Variants in CELSR1 observed in about 807,000 individuals in gnomAD.
The protein encoded by CELSR1 is cadherin EGF LAG seven-pass G-type receptor 1.
Under a neutral mutation model 249.1 loss-of-function variants are expected in CELSR1, and 110 were observed. That is an observed-to-expected ratio of 0.44 (90% CI 0.38 to 0.52). The LOEUF is 0.52. CELSR1 is among the 20% of genes least tolerant of loss of function. The probability of loss-of-function intolerance (pLI) is 0.00; values close to 1 mark genes in which losing one functional copy is unlikely to be tolerated. For missense variants in CELSR1, 4,109 were observed against 4,296.4 expected (o/e 0.96, Z 1.22); for synonymous variants, 2,113 against 1,900.0 (o/e 1.11, Z -2.92).
Position 46,384,684 on chromosome 22 carries a change from G to C in CELSR1, c.6742C>G (p.Leu2248Val). ...AACTTGTCAAAGATGTCGACAGCAA[G>C]AACTGGGGGGACAGTTCCTTTAATC... ...PFVIVTANMILAVDIFDKFNF... is the reference protein window; with the variant it reads ...PFVIVTANMIVAVDIFDKFNF... Residue 2248 changes from leucine (L) to valine (V), a missense_variant and splice_region_variant, in exon 20 of 35, where the codon CTT (leucine) becomes GTT (valine). Physicochemically the swap from Leu to Val is conservative, Grantham distance 32. Around this residue, in one of 7 missense-constraint regions of CELSR1, gnomAD observed 1,805 missense variants for 1,831.6 expected, o/e 0.99. Transcript: ENST00000674500. 6.2e-7 allele frequency: 1 copy of C among 1,612,140 alleles called. No homozygotes were observed. Among genetic ancestry groups the C allele is most frequent in the South Asian group, 1.1e-5 (1 of 90,568 alleles).
intron 1 of CELSR1, among the ~76,000 whole-genome samples, chr22:46,469,467 G>T (rs1294252368): frequency 6.6e-6 from 1 of 152,140 alleles, no homozygotes; most frequent in Non-Finnish European, 1.5e-5. Context: ...CCCAACTTCA[G>T]TTCTTGTACA....
intron 1 of CELSR1, among the ~76,000 whole-genome samples, chr22:46,498,224 G>A (rs187409938): frequency 5.1e-3 from 658 of 129,362 alleles, no homozygotes; most frequent in Non-Finnish European, 7.5e-3. Context: ...ACTCCAGCCT[G>A]GGCAACAAGA....
In CELSR1 at chr22:46,361,675, G is replaced by C. The variant is rs1358641833; in HGVS notation, c.*1548C>G. 1.3e-5 allele frequency: 2 copies of C among 152,166 alleles called. No individual in the cohort carries two copies. 9.4% of individuals were successfully genotyped at this position (152,166 alleles called of 1,614,324 possible). A position where few individuals can be genotyped will look rare whatever the true frequency, so the allele number is the denominator to read the frequency against. On this transcript the variant is annotated 3_prime_UTR_variant, in exon 35 of 35. Coordinates refer to ENST00000674500, the MANE Select transcript of CELSR1 (RefSeq NM_001378328.1). ...TCAGATACGCTTTTCCTCTCCCATA[G>C]GCATCTGCTAACAGTGCTCACATTT...
rs368472891 is a variant in CELSR1 at position 46,386,516 on chromosome 22, T to C, written c.6625A>G (p.Ser2209Gly). ...AGCAGCTGTGCCGTGCCGCCCTCGC[T>C]CCGCTGGATCTGCTCCCACGCCGCC... ...TRAAWEQIQR[S>G]EGGTAQLLRR... Residue 2209 changes from serine to glycine, a missense_variant, in exon 19 of 35, where the codon AGC (serine) becomes GGC (glycine). By Grantham distance (56) the Ser-to-Gly change is moderately conservative. Around this residue, in one of 7 missense-constraint regions of CELSR1, gnomAD observed 1,805 missense variants for 1,831.6 expected, o/e 0.99. Coordinates refer to ENST00000674500, the MANE Select transcript of CELSR1 (RefSeq NM_001378328.1). 2.6e-5 allele frequency: 41 copies of C among 1,597,612 alleles called. No individual in the cohort carries two copies. In the African/African-American group the frequency reaches 4.0e-4, roughly 16 times the overall value.
At chr22:46,382,793 A>ATC (rs1461264121) in intron 20 of CELSR1, among the ~76,000 whole-genome samples, 2 of 152,226 alleles carry the variant, frequency 1.3e-5, no homozygotes. Flanking sequence ...AAATAAGCCA[A>ATC]TCACAAAAGG....
At chr22:46,397,277 C>CTTTTTTTT (rs528088887) in intron 12 of CELSR1, among the ~76,000 whole-genome samples, 8 of 78,746 alleles carry the variant, frequency 1.0e-4, no homozygotes, top group Non-Finnish European at 1.7e-4. Flanking sequence ...CTAATTTTTG[C>CTTTTTTTT]TTTTTTTTTT....
In CELSR1 at chr22:46,407,332, C is replaced by A. The variant is rs2079277787; in HGVS notation, c.5226+1664G>T. On this transcript the variant is annotated intron_variant, in intron 9 of 34. Coordinates refer to ENST00000674500, the MANE Select transcript of CELSR1 (RefSeq NM_001378328.1). The surrounding 1 kb of genome is among the most constrained non-coding windows in gnomAD (Gnocchi z 4.8). ...ACACTTGCACGGAGATATGCGCACA[C>A]ACACACACAAACTTGGAGAAAAGCA... 6.6e-6 allele frequency among the ~76,000 whole-genome samples: 1 copy of A among 152,196 alleles called. No individual in the cohort carries two copies. The highest frequency in any genetic ancestry group is 2.1e-4 in the South Asian group (1 of 4,828).
At position 46,362,824 on chromosome 22, in the gene CELSR1, G is replaced by A. The variant is rs896000077; in HGVS notation, c.*399C>T. 2.7e-5 allele frequency: 8 copies of A among 301,466 alleles called. No individual in the cohort carries two copies. The highest frequency in any genetic ancestry group is 4.3e-5 in the Non-Finnish European group (7 of 161,652). The allele number at this position is 301,466 out of a possible 1,614,324, so 18.7% of individuals were successfully genotyped here. A position where few individuals can be genotyped will look rare whatever the true frequency, so the allele number is the denominator to read the frequency against. ...ACTGCCATGAGATGCCCGCCTGGGC[G>A]GGGCTGGACCGCGGTCTTTGGTCTG... On this transcript the variant is annotated 3_prime_UTR_variant, in exon 35 of 35. Coordinates refer to ENST00000674500, the MANE Select transcript of CELSR1 (RefSeq NM_001378328.1).
At chr22:46,452,606 G>T (rs563683546) in intron 2 of CELSR1, among the ~76,000 whole-genome samples, 1 of 152,334 alleles carries the variant, frequency 6.6e-6, no homozygotes, top group Admixed American at 6.5e-5. Flanking sequence ...CCTGCAGGGC[G>T]TTTCCAACCC....
intron 2 of CELSR1, among the ~76,000 whole-genome samples, chr22:46,452,563 C>T (rs543877748): frequency 6.6e-6 from 1 of 152,348 alleles, no homozygotes; most frequent in Middle Eastern, 3.4e-3. Context: ...AGCCCCAGCA[C>T]CAACCTGGGT....
At position 46,409,216 on chromosome 22, in the gene CELSR1, G is replaced by A. The variant is rs1412576021; in HGVS notation, c.5060-54C>T. The stretch of plus-strand genomic sequence containing the variant: ...TGTCTCCCGAAATCACACGGCCGCG[G>A]ACTTGGCTGCAGGGGCGGGGGATGG... On this transcript the variant is annotated intron_variant, in intron 8 of 34. Coordinates refer to ENST00000674500, the MANE Select transcript of CELSR1 (RefSeq NM_001378328.1). This position sits in a 1 kb window ranked among gnomAD's most constrained non-coding sequence, Gnocchi z 9.8. 2 of 1,589,926 alleles carry A rather than the reference G, an allele frequency of 1.3e-6. No homozygotes were observed. The highest frequency in any genetic ancestry group is 2.3e-5 in the East Asian group (1 of 44,396).
chr22:46,368,906 G>C (rs2078818203), intron 27 of CELSR1, among the ~76,000 whole-genome samples: 2 of 151,910 alleles, frequency 1.3e-5, no homozygotes, highest in African/African-American at 2.4e-5. Context: ...CAATACTTCT[G>C]TGCCAGGCGG....
rs1227899934 is a variant in CELSR1, at chr22:46,381,114, C to T, written c.7089-159G>A. Among the ~76,000 whole-genome samples, 3 of 152,154 alleles carry T rather than the reference C, an allele frequency of 2.0e-5. No individual in the cohort carries two copies. The highest frequency in any genetic ancestry group is 4.4e-5 in the Non-Finnish European group (3 of 68,026). ...CCCACGGACCCCACAGTATCTTCAT[C>T]CCTAGAGCAGGTTTTATCACTGACA... On this transcript the variant is annotated intron_variant, in intron 21 of 34. Coordinates refer to ENST00000674500, the MANE Select transcript of CELSR1 (RefSeq NM_001378328.1). This position sits in a 1 kb window ranked among gnomAD's most constrained non-coding sequence, Gnocchi z 6.0.
intron 1 of CELSR1, among the ~76,000 whole-genome samples, chr22:46,516,941 A>G (rs1228945257): frequency 6.6e-6 from 1 of 152,004 alleles, no homozygotes; most frequent in Non-Finnish European, 1.5e-5. Flanking sequence ...CACCTAAACC[A>G]GTGTCACGGC....
intron 1 of CELSR1, among the ~76,000 whole-genome samples, chr22:46,474,444 G>A (rs1045731282): frequency 6.6e-6 from 1 of 151,936 alleles, no homozygotes; most frequent in Non-Finnish European, 1.5e-5. Context: ...AAGCACCCCC[G>A]GCGGCCAGCA....
rs2078972710 is a variant in CELSR1 at position 46,381,025 on chromosome 22, A to G, written c.7089-70T>C. The G allele has an allele frequency of 1.3e-6, 2 of 1,494,416 alleles. No individual in the cohort carries two copies. The highest frequency in any genetic ancestry group is 9.2e-7 in the Non-Finnish European group (1 of 1,087,770). The allele number at this position is 1,494,416 out of a possible 1,614,324, so 92.6% of individuals were successfully genotyped here. A position where few individuals can be genotyped will look rare whatever the true frequency, so the allele number is the denominator to read the frequency against. On this transcript the variant is annotated intron_variant, in intron 21 of 34. Coordinates refer to ENST00000674500, the MANE Select transcript of CELSR1 (RefSeq NM_001378328.1). The surrounding 1 kb of genome is among the most constrained non-coding windows in gnomAD (Gnocchi z 6.0). ...ACATCTGCTTAAATCCCGCGCACAAATGCCCTGAGGACACGCCATGATGTG... is the reference window on the plus strand; with the variant it reads ...ACATCTGCTTAAATCCCGCGCACAAGTGCCCTGAGGACACGCCATGATGTG...
Position 46,411,852 on chromosome 22 carries a change from G to A in CELSR1, c.4612-93C>T. ...TCACTCATAGAGCGAGGAGGACATG[G>A]CACAGGGTGGGCGGCACGTAGACAA... On this transcript the variant is annotated intron_variant, in intron 5 of 34. Transcript: ENST00000674500. This position sits in a 1 kb window ranked among gnomAD's most constrained non-coding sequence, Gnocchi z 4.2. 3 of 1,523,436 alleles carry A rather than the reference G, an allele frequency of 2.0e-6. No individual in the cohort carries two copies. Among genetic ancestry groups the A allele is most frequent in the Non-Finnish European group, 1.8e-6 (2 of 1,114,410 alleles). The allele number at this position is 1,523,436 out of a possible 1,614,324, so 94.4% of individuals were successfully genotyped here. A position where few individuals can be genotyped will look rare whatever the true frequency, so the allele number is the denominator to read the frequency against.
intron 9 of CELSR1, among the ~76,000 whole-genome samples, chr22:46,400,918 C>T (rs1602083083): frequency 1.3e-5 from 2 of 151,630 alleles, no homozygotes; most frequent in East Asian, 1.9e-4. Context: ...CACTACTGTA[C>T]TTCGACTTGG....
In CELSR1 at chr22:46,536,348, CCTCGATGG is replaced by C; in HGVS notation, c.815_822del (p.Thr272ArgfsTer261). The C allele has an allele frequency of 1.2e-6, 2 of 1,612,740 alleles. No homozygotes were observed. Among genetic ancestry groups the C allele is most frequent in the Non-Finnish European group, 1.7e-6 (2 of 1,179,820 alleles). On this transcript the variant is annotated frameshift_variant, in exon 1 of 35. Transcript: ENST00000674500. LOFTEE classifies it high-confidence loss of function. ...TAATAGCTCACGCGCTCCTCCTCGCCCTCGATGGTGTAGTGCGCGTGCAGCTGGAGGAT... is the reference window on the plus strand; with the variant it reads ...TAATAGCTCACGCGCTCCTCCTCGCCTGTAGTGCGCGTGCAGCTGGAGGAT...
Sources: gnomAD v4.1 joint callset for allele counts (sites outside exome capture counted in the v4.1 genomes callset) on GRCh38, gnomAD v4.1.1 for gene constraint, gnomAD v4.1.1 regional missense constraint, Gnocchi (gnomAD v3.1) non-coding constraint, MANE v1.5 for transcripts, NCBI Gene and HGNC (gene_info 2026-07-23, HGNC 2026-07-21) for gene names.